The following CTNNA2 variants were observed in gnomAD, a reference collection of about 807,000 sequenced individuals.
CTNNA2 encodes the protein catenin alpha 2.
A neutral mutation model predicts 101.0 loss-of-function variants in CTNNA2; 42 were observed. The observed-to-expected ratio is 0.42, with a 90% confidence interval of 0.32 to 0.54. The LOEUF (loss-of-function observed/expected upper bound fraction) is 0.54, where lower values mean the gene tolerates loss of function less well. Among genes scored for constraint, CTNNA2 ranks in the 20% least tolerant of loss-of-function variants. The pLI, the probability that CTNNA2 is intolerant of heterozygous loss-of-function variation, is 0.14. For missense variants in CTNNA2, 871 were observed against 1,223.1 expected (o/e 0.71, Z 4.29); for synonymous variants, 450 against 456.4 (o/e 0.99, Z 0.18).
intron 8 of CTNNA2, among the ~76,000 whole-genome samples, chr2:80,394,963 T>A (rs1573936212): frequency 7.3e-6 from 1 of 137,022 alleles, no homozygotes; most frequent in South Asian, 2.2e-4. Context: ...TTGGTCTCAG[T>A]AGTGATTACA....
chr2:79,652,631 CCTCCCATCTCAAGATCCT>C (rs1166350819), intron 2 of CTNNA2, among the ~76,000 whole-genome samples: 1 of 152,064 alleles, frequency 6.6e-6, no homozygotes, highest in Non-Finnish European at 1.5e-5. Flanking sequence ...CCAGAAAAAT[CCTCCCATCTCAAGATCCT>C]TAACCCAATC....
At chr2:80,425,433 C>A (rs1357044122) in intron 9 of CTNNA2, among the ~76,000 whole-genome samples, 1 of 152,186 alleles carries the variant, frequency 6.6e-6, no homozygotes, top group Non-Finnish European at 1.5e-5. Context: ...ACAGTTCTGA[C>A]TGAACTGAAA....
chr2:79,784,784 A>G (rs1023984249), intron 3 of CTNNA2, among the ~76,000 whole-genome samples: 1 of 151,768 alleles, frequency 6.6e-6, no homozygotes, highest in Admixed American at 6.6e-5. Context: ...ATATAAAAAC[A>G]TGGATGAATC....
rs189456957 is a variant in CTNNA2, at chr2:80,143,879, G to T, written c.1056+234082G>T. 7.9e-5 allele frequency among the ~76,000 whole-genome samples: 12 copies of T among 152,218 alleles called. No homozygotes were observed. In the East Asian group the frequency reaches 2.3e-3, roughly 29 times the overall value. The stretch of plus-strand genomic sequence containing the variant: ...TTGTCAAAACATTAATTCACATTTT[G>T]CTTTGATGGAGAGAATTTAGATTTT... On this transcript the variant is annotated intron_variant, in intron 7 of 18. Transcript: ENST00000402739.
intron 1 of CTNNA2, among the ~76,000 whole-genome samples, chr2:79,643,135 G>A (rs1036233571): frequency 6.6e-6 from 1 of 151,960 alleles, no homozygotes; most frequent in Non-Finnish European, 1.5e-5. Context: ...GGGTTGCAGT[G>A]AGCCTAGATC....
At chr2:80,604,584 C>G (rs1697842576) in intron 16 of CTNNA2, among the ~76,000 whole-genome samples, 1 of 151,932 alleles carries the variant, frequency 6.6e-6, no homozygotes, top group Admixed American at 6.6e-5. Context: ...ACCTAATGCC[C>G]TCTTTTGTTT....
intron 4 of CTNNA2, among the ~76,000 whole-genome samples, chr2:79,427,890 TGG>T (rs1678609956): frequency 6.6e-6 from 1 of 151,534 alleles, no homozygotes; most frequent in East Asian, 1.9e-4. Flanking sequence ...GATAATTTTG[TGG>T]AGTAATAAAC....
intron 3 of CTNNA2, among the ~76,000 whole-genome samples, chr2:79,835,687 T>TTTTTGTTTGTTTGTTTG (rs1679302026): frequency 1.1e-4 from 15 of 134,912 alleles, no homozygotes; most frequent in African/African-American, 3.7e-4. Context: ...TTTTTTTTTT[T>TTTTTGTTTGTTTGTTTG]TTTTTTTTTT....
intron 7 of CTNNA2, among the ~76,000 whole-genome samples, chr2:80,253,791 A>G (rs1671940608): frequency 6.6e-6 from 1 of 152,204 alleles, no homozygotes; most frequent in Non-Finnish European, 1.5e-5. Context: ...ATAGGATTCT[A>G]GTCCCAGATC....
chr2:80,091,817 CAAG>C (rs199655262), intron 7 of CTNNA2, among the ~76,000 whole-genome samples: 2,741 of 152,092 alleles, frequency 0.018, 74 homozygotes, highest in African/African-American at 0.062. Context: ...CAGTTGATTT[CAAG>C]AAGAAGGACT....
At chr2:79,466,717 A>G (rs144683498) in intron 4 of CTNNA2, among the ~76,000 whole-genome samples, 318 of 152,358 alleles carry the variant, frequency 2.1e-3, no homozygotes, top group African/African-American at 6.1e-3. Context: ...TTTGCTGTTC[A>G]GCAATATTCA....
chr2:79,829,443 G>A (rs1395002592), intron 3 of CTNNA2, among the ~76,000 whole-genome samples: 1 of 149,496 alleles, frequency 6.7e-6, no homozygotes, highest in African/African-American at 2.5e-5. Context: ...GATGGCGGGC[G>A]CCTGTAGTCC....
intron 7 of CTNNA2, among the ~76,000 whole-genome samples, chr2:80,300,819 C>T (rs976379079): frequency 2.0e-5 from 3 of 152,058 alleles, no homozygotes; most frequent in African/African-American, 7.2e-5. Context: ...CCTTCCCCTT[C>T]CCTTCTCTGC....
At chr2:80,428,677 G>C (rs1681210266) in intron 9 of CTNNA2, among the ~76,000 whole-genome samples, 1 of 152,134 alleles carries the variant, frequency 6.6e-6, no homozygotes, top group Non-Finnish European at 1.5e-5. Flanking sequence ...AATGTCCTGG[G>C]TTTAAATAAA....
chr2:79,781,823 A>C (rs1284977748), intron 3 of CTNNA2, among the ~76,000 whole-genome samples: 3 of 151,352 alleles, frequency 2.0e-5, no homozygotes, highest in African/African-American at 7.4e-5. Context: ...ACACACAAGT[A>C]GTTAGTCCAA....
At chr2:80,436,584 G>A (rs910543575) in intron 9 of CTNNA2, among the ~76,000 whole-genome samples, 9 of 152,026 alleles carry the variant, frequency 5.9e-5, no homozygotes, top group African/African-American at 2.4e-5. Flanking sequence ...CATGGTGCTG[G>A]AACAAAATAC....
rs556840422 is a variant in CTNNA2 at position 80,498,010 on chromosome 2, G to A, written c.1291-46972G>A. 3.9e-5 allele frequency among the ~76,000 whole-genome samples: 6 copies of A among 152,134 alleles called. No homozygotes were observed. The East Asian group carries it at 7.7e-4, about 20-fold the overall frequency. On this transcript the variant is annotated intron_variant, in intron 9 of 18. Coordinates refer to ENST00000402739, the MANE Select transcript of CTNNA2 (RefSeq NM_001282597.3). ...CCATGGAAACTGTGAGATAATAAAC[G>A]TGGGTTGCTATAAGTCCCTATATTT... is the stretch of plus-strand genomic sequence containing the variant.
At chr2:79,291,361 T>C (rs897016532) in intron 2 of CTNNA2, among the ~76,000 whole-genome samples, 6 of 152,196 alleles carry the variant, frequency 3.9e-5, no homozygotes, top group African/African-American at 1.4e-4. Flanking sequence ...AGAAAAAATG[T>C]AGAGATGATA....
At chr2:80,475,073 T>A (rs1024993085) in intron 9 of CTNNA2, among the ~76,000 whole-genome samples, 1 of 152,202 alleles carries the variant, frequency 6.6e-6, no homozygotes, top group Non-Finnish European at 1.5e-5. Flanking sequence ...CTGTTTGCCA[T>A]TTTTAGAGAT....
Sources: allele counts gnomAD v4.1 joint callset (sites outside exome capture counted in the v4.1 genomes callset), GRCh38; gene constraint gnomAD v4.1.1; transcripts MANE v1.5; gene names NCBI Gene and HGNC (gene_info 2026-07-23, HGNC 2026-07-21).